The following SLC8A3 variants were observed in gnomAD, a reference collection of about 807,000 sequenced individuals.
SLC8A3 encodes the protein sodium/calcium exchanger 3.
SLC8A3 carries 37 observed loss-of-function variants against 65.4 expected under a neutral mutation model. The observed-to-expected ratio is 0.57, with a 90% CI of 0.44 to 0.74. SLC8A3 has a LOEUF of 0.74. Ranked by LOEUF, SLC8A3 falls within the 30% of genes least tolerant of loss-of-function variation. SLC8A3 has a pLI of 0.00. For missense variants in SLC8A3, 1,112 were observed against 1,172.1 expected, an observed-to-expected ratio of 0.95 and a Z score of 0.75; for synonymous variants, 461 against 444.5, an observed-to-expected ratio of 1.04 and a Z score of -0.47.
intron 2 of SLC8A3, among the ~76,000 whole-genome samples, chr14:70,090,628 G>GTA (rs899765267): frequency 6.6e-6 from 1 of 152,022 alleles, no homozygotes; most frequent in Non-Finnish European, 1.5e-5. Flanking sequence ...GGAAAAACTT[G>GTA]TATATATATA....
At chr14:70,143,734 T>C (rs1895721440) in intron 2 of SLC8A3, among the ~76,000 whole-genome samples, 1 of 152,168 alleles carries the variant, frequency 6.6e-6, no homozygotes, top group African/African-American at 2.4e-5. Context: ...ATCTGAGCAC[T>C]AACAGCTCCA....
intron 4 of SLC8A3, 28 bp from the exon 5 acceptor site, chr14:70,051,135 A>G (rs780472349): frequency 4.0e-6 from 6 of 1,499,852 alleles, no homozygotes; most frequent in Admixed American, 1.7e-5. Flanking sequence ...ACTTGGAACC[A>G]TGAGGTTAGA....
Position 70,097,283 on chromosome 14 carries a change from CT to C in SLC8A3, c.1785-36345del, listed in dbSNP as rs1461772909. Among the ~76,000 whole-genome samples the C allele has an allele frequency of 2.5e-4, 12 of 48,578 alleles. No individual in the cohort carries two copies. The East Asian group carries it at 0.012, about 49-fold the overall frequency. The allele number at this position is 48,578 out of a possible 152,430, so 31.9% of individuals were successfully genotyped here. ...ATACCACCCTCAGAAAAGCATTTTC[CT>C]TTAAAAAAAAAAAAAAAACACCTCT... is the stretch of plus-strand genomic sequence containing the variant. On this transcript the variant is annotated intron_variant, in intron 2 of 6. Coordinates refer to ENST00000356921, the MANE Select transcript of SLC8A3 (RefSeq NM_182932.3).
At chr14:70,096,910 TAAAC>T (rs1305264184) in intron 2 of SLC8A3, among the ~76,000 whole-genome samples, 2 of 152,078 alleles carry the variant, frequency 1.3e-5, no homozygotes, top group Non-Finnish European at 2.9e-5. Context: ...TAAACAAAGA[TAAAC>T]AAAGAGATAA....
intron 1 of SLC8A3, among the ~76,000 whole-genome samples, chr14:70,174,884 G>A (rs771785044): frequency 5.3e-5 from 8 of 152,100 alleles, no homozygotes; most frequent in African/African-American, 7.2e-5. Context: ...GTGGCTCTAC[G>A]GATGCCTCAA....
intron 2 of SLC8A3, among the ~76,000 whole-genome samples, chr14:70,148,623 G>C (rs1307458761): frequency 6.6e-6 from 1 of 152,120 alleles, no homozygotes; most frequent in Non-Finnish European, 1.5e-5. Context: ...GAGCAGCAGG[G>C]TTTACAAAGC....
intron 3 of SLC8A3, among the ~76,000 whole-genome samples, chr14:70,056,644 C>T (rs531487134): frequency 6.6e-6 from 1 of 152,260 alleles, no homozygotes; most frequent in African/African-American, 2.4e-5. Context: ...ACTGTCTTTT[C>T]CATAGATCTC....
intron 2 of SLC8A3, among the ~76,000 whole-genome samples, chr14:70,097,942 A>C (rs1892298546): frequency 6.6e-6 from 1 of 152,192 alleles, no homozygotes; most frequent in South Asian, 2.1e-4. Flanking sequence ...CCGTCTTTGA[A>C]CATAAACCTC....
intron 5 of SLC8A3, 115 bp from the exon 6 acceptor site, chr14:70,049,157 G>A (rs533112211): frequency 9.4e-7 from 1 of 1,067,432 alleles, no homozygotes. Context: ...GACTCCAGCT[G>A]TCTTCTGGGC....
chr14:70,114,558 T>C (rs1197340102), intron 2 of SLC8A3, among the ~76,000 whole-genome samples: 1 of 152,206 alleles, frequency 6.6e-6, no homozygotes, highest in Admixed American at 6.5e-5. Context: ...CTGAAATTGT[T>C]GGAGGTTGGT....
chr14:70,093,752 G>A (rs951658272), intron 2 of SLC8A3, among the ~76,000 whole-genome samples: 2 of 152,130 alleles, frequency 1.3e-5, no homozygotes, highest in African/African-American at 2.4e-5. Flanking sequence ...GTCAAACAAA[G>A]CTTCTTGACA....
At chr14:70,063,580 A>G (rs966119295) in intron 2 of SLC8A3, among the ~76,000 whole-genome samples, 3 of 152,108 alleles carry the variant, frequency 2.0e-5, no homozygotes, top group Non-Finnish European at 4.4e-5. Flanking sequence ...ATCGGTCTTG[A>G]GCATCCCTCG....
At chr14:70,174,508 G>A (rs961431291) in intron 1 of SLC8A3, among the ~76,000 whole-genome samples, 1 of 152,058 alleles carries the variant, frequency 6.6e-6, no homozygotes, top group Non-Finnish European at 1.5e-5. Context: ...CCACGTGAAA[G>A]CCAGGTGTGG....
chr14:70,094,420 C>A (rs984801313), intron 2 of SLC8A3, among the ~76,000 whole-genome samples: 25 of 152,214 alleles, frequency 1.6e-4, no homozygotes, highest in African/African-American at 6.0e-4. Flanking sequence ...AATTATAAAA[C>A]CAACAGTTCC....
intron 2 of SLC8A3, among the ~76,000 whole-genome samples, chr14:70,161,114 C>T (rs541663930): frequency 1.1e-4 from 15 of 142,476 alleles, no homozygotes; most frequent in East Asian, 6.6e-4. Flanking sequence ...ATTAGCCGGA[C>T]GTGGTGGTAT....
intron 3 of SLC8A3, among the ~76,000 whole-genome samples, chr14:70,056,419 C>T (rs1193864037): frequency 6.6e-6 from 1 of 152,164 alleles, no homozygotes. Context: ...TTCCTAGCTG[C>T]CACGTTGACT....
chr14:70,181,981 A>G (rs1882789671), intron 1 of SLC8A3, among the ~76,000 whole-genome samples: 1 of 152,248 alleles, frequency 6.6e-6, no homozygotes, highest in Non-Finnish European at 1.5e-5. Context: ...AGTAGCTGAC[A>G]GATGGTAAAC....
At chr14:70,187,962 C>T (rs950077965) in intron 1 of SLC8A3, among the ~76,000 whole-genome samples, 3 of 152,136 alleles carry the variant, frequency 2.0e-5, no homozygotes, top group Non-Finnish European at 4.4e-5. Context: ...CACGCCCTGG[C>T]CCAGGTGGCA....
At position 70,173,672 on chromosome 14, in the gene SLC8A3, G is replaced by A. The variant is rs537742417; in HGVS notation, c.-62-5188C>T. Among the ~76,000 whole-genome samples the A allele has an allele frequency of 5.3e-5, 8 of 152,302 alleles. No individual in the cohort carries two copies. The East Asian group carries it at 1.5e-3, about 29-fold the overall frequency. The stretch of plus-strand genomic sequence containing the variant: ...GCTTCTAAATCTGGGCCCCTGCACA[G>A]GTGTCATAGCCAATTTACATAAAAG... On this transcript the variant is annotated intron_variant, in intron 1 of 6. Coordinates refer to ENST00000356921, the MANE Select transcript of SLC8A3 (RefSeq NM_182932.3).
Sources: gnomAD v4.1 joint callset for allele counts (sites outside exome capture counted in the v4.1 genomes callset) on GRCh38, gnomAD v4.1.1 for gene constraint, MANE v1.5 for transcripts, NCBI Gene and HGNC (gene_info 2026-07-23, HGNC 2026-07-21) for gene names.